Variants in ULK4 observed in about 807,000 individuals in gnomAD.
ULK4 encodes the protein inactive serine/threonine-protein kinase ULK4.
Under a neutral mutation model 160.6 loss-of-function variants are expected in ULK4, and 133 were observed. That is an observed-to-expected ratio of 0.83 (90% confidence interval 0.72 to 0.96). The LOEUF (loss-of-function observed/expected upper bound fraction) is 0.96. ULK4 is among the 40% of genes least tolerant of loss of function. The pLI is 0.00. For synonymous variants in ULK4, 534 were observed against 539.8 expected (o/e 0.99, Z 0.15); for missense variants, 1,580 against 1,499.5 (o/e 1.05, Z -0.89).
intron 17 of ULK4, among the ~76,000 whole-genome samples, chr3:41,868,239 A>G (rs941287414): frequency 9.9e-5 from 15 of 152,088 alleles, no homozygotes; most frequent in African/African-American, 3.4e-4. Context: ...AGTTCTGTCA[A>G]TTTTTCTTTC....
intron 19 of ULK4, among the ~76,000 whole-genome samples, chr3:41,804,834 T>C (rs1469153246): frequency 3.9e-5 from 6 of 152,290 alleles, no homozygotes; most frequent in African/African-American, 1.4e-4. Flanking sequence ...TCTATTCCAT[T>C]GGTCTATATC....
In ULK4 at chr3:41,911,397, A is replaced by T. The variant is rs1698779321; in HGVS notation, c.1016-11T>A. 2 of 1,613,782 alleles carry T rather than the reference A, an allele frequency of 1.2e-6. No homozygotes were observed. The highest frequency in any genetic ancestry group is 2.7e-5 in the African/African-American group (2 of 74,938). ...ACTCAGTTGGATTTTCTGTAGCAGG[A>T]AAGTAATATGTTATCCAGAAAAGAA... On this transcript the variant is annotated splice_polypyrimidine_tract_variant and intron_variant, in intron 10 of 36. Coordinates refer to ENST00000301831, the MANE Select transcript of ULK4 (RefSeq NM_017886.4).
intron 21 of ULK4, among the ~76,000 whole-genome samples, chr3:41,776,442 T>A (rs2039626336): frequency 1.3e-5 from 2 of 150,736 alleles, no homozygotes; most frequent in Admixed American, 1.3e-4. Flanking sequence ...AAAAAAAATC[T>A]AACACTCAAA....
chr3:41,841,714 AAAAG>A (rs1189808559), intron 17 of ULK4, among the ~76,000 whole-genome samples: 21 of 152,046 alleles, frequency 1.4e-4, no homozygotes, highest in Non-Finnish European at 2.4e-4. Flanking sequence ...AAATGTGGGG[AAAAG>A]AAAGAGAGAT....
chr3:41,484,659 A>G (rs941015681), intron 32 of ULK4, among the ~76,000 whole-genome samples: 11 of 151,952 alleles, frequency 7.2e-5, no homozygotes, highest in African/African-American at 1.5e-4. Flanking sequence ...TCACCGTGTT[A>G]GCCAGGATGG....
chr3:41,634,082 G>A (rs2033856665), intron 30 of ULK4, among the ~76,000 whole-genome samples: 2 of 152,192 alleles, frequency 1.3e-5, no homozygotes, highest in South Asian at 4.1e-4. Context: ...GCCCTAACAG[G>A]AAATGAAAGG....
chr3:41,929,520 G>C (rs1420668358), intron 5 of ULK4, among the ~76,000 whole-genome samples: 1 of 152,218 alleles, frequency 6.6e-6, no homozygotes, highest in African/African-American at 2.4e-5. Context: ...AGAAATAAAG[G>C]GTATTCAAAT....
chr3:41,918,538 T>C lies in ULK4; in HGVS notation c.646A>G (p.Lys216Glu). The C allele has an allele frequency of 1.3e-6, 2 of 1,558,574 alleles. No homozygotes were observed. Among genetic ancestry groups the C allele is most frequent in the Non-Finnish European group, 1.7e-6 (2 of 1,151,228 alleles). ...ATACTTTCTGAGAAGAATGGAGGTT[T>C]TCCTGAAATCACATGAAAACTTGCA... ...GCLLYEMFSG[K>E]PPFFSESISE... Residue 216 changes from lysine (K) to glutamate (E), a missense_variant and splice_region_variant, in exon 7 of 37, where the codon AAA (lysine) becomes GAA (glutamate). Coordinates refer to ENST00000301831, the MANE Select transcript of ULK4 (RefSeq NM_017886.4).
chr3:41,678,209 CACACACACACACACACAG>C (rs1251190754), intron 29 of ULK4, among the ~76,000 whole-genome samples: 9 of 151,344 alleles, frequency 5.9e-5, no homozygotes, highest in African/African-American at 1.9e-4. Flanking sequence ...CACACACACA[CACACACACACACACACAG>C]AGCTCCTACT....
At chr3:41,808,220 T>G (rs902278087) in intron 19 of ULK4, among the ~76,000 whole-genome samples, 1 of 152,208 alleles carries the variant, frequency 6.6e-6, no homozygotes, top group Non-Finnish European at 1.5e-5. Flanking sequence ...TTATTTCTTA[T>G]GAAGTTCTAA....
chr3:41,885,753 G>A (rs1189193513), intron 16 of ULK4, among the ~76,000 whole-genome samples: 8 of 151,438 alleles, frequency 5.3e-5, no homozygotes, highest in East Asian at 1.9e-4. Context: ...TGCAATCTCC[G>A]CTCACTGCAA....
intron 18 of ULK4, among the ~76,000 whole-genome samples, chr3:41,821,655 C>T (rs1410343424): frequency 1.3e-5 from 2 of 152,136 alleles, no homozygotes; most frequent in Admixed American, 6.6e-5. Flanking sequence ...CCCTCTGGGT[C>T]TTTCCTGTTT....
At chr3:41,526,691 GA>G (rs528346316) in intron 32 of ULK4, among the ~76,000 whole-genome samples, 31 of 152,186 alleles carry the variant, frequency 2.0e-4, no homozygotes, top group Admixed American at 1.2e-3. Flanking sequence ...TTGGGGGGTG[GA>G]GGGGAGATAT....
chr3:41,583,574 C>G (rs906034319), intron 31 of ULK4, among the ~76,000 whole-genome samples: 10 of 152,192 alleles, frequency 6.6e-5, no homozygotes, highest in Non-Finnish European at 1.3e-4. Flanking sequence ...GGCCAGGAAG[C>G]TCCTTCTATA....
Position 41,911,658 on chromosome 3 carries a change from T to C in ULK4, c.898A>G (p.Arg300Gly), listed in dbSNP as rs1286460515. 6.2e-7 allele frequency: 1 copy of C among 1,607,656 alleles called. No homozygotes were observed. The highest frequency in any genetic ancestry group is 1.7e-5 in the Admixed American group (1 of 59,792). Residue 300 changes from arginine to glycine, a missense_variant and splice_region_variant, in exon 10 of 37, where the codon AGA becomes GGA. Arg to Gly is a moderately radical substitution (Grantham distance 125, BLOSUM62 -2). Coordinates refer to ENST00000301831, the MANE Select transcript of ULK4 (RefSeq NM_017886.4). The stretch of plus-strand genomic sequence containing the variant: ...GGCCCAGAACACTCCATAGTGTTTC[T>C]GCTATTATTGGAGAAAACCAACACA... The part of the protein sequence containing the change: ...ESSVEDLSLS[R>G]NTMECSGPQD...
At chr3:41,800,645 T>C (rs1457505828) in intron 19 of ULK4, among the ~76,000 whole-genome samples, 1 of 152,206 alleles carries the variant, frequency 6.6e-6, no homozygotes, top group Non-Finnish European at 1.5e-5. Context: ...AACTGGAAGA[T>C]AATTTTAAAA....
At chr3:41,431,376 T>G (rs2082903171) in intron 34 of ULK4, among the ~76,000 whole-genome samples, 1 of 147,702 alleles carries the variant, frequency 6.8e-6, no homozygotes. Context: ...ATAATAATAA[T>G]AATAATAATA....
At chr3:41,398,420 G>A (rs2082111537) in intron 34 of ULK4, among the ~76,000 whole-genome samples, 156 bp from the exon 35 acceptor site, 1 of 150,382 alleles carries the variant, frequency 6.6e-6, no homozygotes, top group South Asian at 2.1e-4. Context: ...GTCCCACTCT[G>A]TTGCCCAGGC....
At chr3:41,532,980 G>T (rs1474145209) in intron 32 of ULK4, among the ~76,000 whole-genome samples, 1 of 152,218 alleles carries the variant, frequency 6.6e-6, no homozygotes, top group African/African-American at 2.4e-5. Context: ...ATTAACATGA[G>T]ATTTCCAAGC....
Sources: gnomAD v4.1 joint callset for allele counts (sites outside exome capture counted in the v4.1 genomes callset) on GRCh38, gnomAD v4.1.1 for gene constraint, MANE v1.5 for transcripts, NCBI Gene and HGNC (gene_info 2026-07-23, HGNC 2026-07-21) for gene names.